DYNC2H1: variants seen among roughly 807,000 people sequenced by gnomAD.
DYNC2H1 encodes cytoplasmic dynein 2 heavy chain 1.
A neutral mutation model predicts 570.0 loss-of-function variants in DYNC2H1; 410 were observed. The ratio of observed to expected loss-of-function variants is 0.72; its 90% confidence interval spans 0.66 to 0.78. The LOEUF (loss-of-function observed/expected upper bound fraction) is 0.78, where lower values mean the gene tolerates loss of function less well. DYNC2H1 is among the 30% of genes least tolerant of loss of function. The probability of loss-of-function intolerance (pLI) is 0.00; values close to 1 mark genes in which losing one functional copy is unlikely to be tolerated. For missense variants in DYNC2H1, 4,865 were observed against 5,046.4 expected, an observed-to-expected ratio of 0.96 and a Z score of 1.09; for synonymous variants, 1,688 against 1,677.6, an observed-to-expected ratio of 1.01 and a Z score of -0.15.
chr11:103,186,457 TA>T lies in DYNC2H1; in HGVS notation c.6852del (p.Lys2284AsnfsTer7). ...YFKPWLSSDT[K>X]QPFILVGPEG... Reference sequence around the variant, plus strand: ...TCAAACCATGGTTAAGTTCTGATACTAAACAGCCCTTTATTCTGGTAGGACC... The same window carrying T: ...TCAAACCATGGTTAAGTTCTGATACTAACAGCCCTTTATTCTGGTAGGACC... On this transcript the variant is annotated frameshift_variant, in exon 42 of 89. Transcript: ENST00000375735. LOFTEE classifies it high-confidence loss of function. This position sits in a 1 kb window ranked among gnomAD's most constrained non-coding sequence, Gnocchi z 4.5. 1 of 1,612,380 alleles carries T rather than the reference TA, an allele frequency of 6.2e-7. No homozygotes were observed. The highest frequency in any genetic ancestry group is 1.7e-5 in the Admixed American group (1 of 59,852).
rs905808650 is a variant in DYNC2H1, at chr11:103,461,563, G to A, written c.12648+5207G>A. The stretch of plus-strand genomic sequence containing the variant: ...ACATTTTACATCTTCCTCCAAGGCT[G>A]AGAGAGGATTGCCCTAGCAACACTT... On this transcript the variant is annotated intron_variant, in intron 87 of 88. Transcript: ENST00000375735. The surrounding 1 kb of genome is among the most constrained non-coding windows in gnomAD (Gnocchi z 4.8). Among the ~76,000 whole-genome samples the A allele has an allele frequency of 6.6e-6, 1 of 152,154 alleles. No homozygotes were observed. The highest frequency in any genetic ancestry group is 2.4e-5 in the African/African-American group (1 of 41,434).
chr11:103,200,135 C>T lies in DYNC2H1; in HGVS notation c.8178C>T (p.Ile2726=), dbSNP rs375795034. 1.4e-5 allele frequency: 22 copies of T among 1,574,180 alleles called. No individual in the cohort carries two copies. In the African/African-American group the frequency reaches 3.0e-4, roughly 21 times the overall value. Residue 2726 remains isoleucine, a synonymous_variant, in exon 50 of 89, where the codon ATC becomes ATT. Transcript: ENST00000375735. ...QFVHPTFLEM[I]NSLLSSGEVP... ...TACATCCTACATTTTTGGAGATGATCAATAGCCTTTTGTCTTCAGGCAAGT... is the reference window on the plus strand; with the variant it reads ...TACATCCTACATTTTTGGAGATGATTAATAGCCTTTTGTCTTCAGGCAAGT...
chr11:103,148,586 A>C lies in DYNC2H1; in HGVS notation c.2915A>C (p.Gln972Pro). Residue 972 changes from glutamine to proline, a missense_variant, in exon 20 of 89, where the codon CAA becomes CCA. Physicochemically the swap from Gln to Pro is moderately conservative, Grantham distance 76. This residue lies in a region of DYNC2H1 where 1,936 missense variants were observed against 1,962.1 expected (regional missense o/e 0.99). Transcript: ENST00000375735. ...GAAGAAATTGGTGATGCAAATCTAC[A>C]ATATAGTAAGTTACAAGAACGGAAG... ...SVEEIGDANLQYSKLQERKPE... is the reference protein window; with the variant it reads ...SVEEIGDANLPYSKLQERKPE... 6.4e-7 allele frequency: 1 copy of C among 1,570,170 alleles called. No individual in the cohort carries two copies. The highest frequency in any genetic ancestry group is 1.2e-5 in the South Asian group (1 of 85,252).
chr11:103,154,339 A>G, intron 22 of DYNC2H1, 112 bp from the exon 23 acceptor site: 1 of 821,714 alleles, frequency 1.2e-6, no homozygotes, highest in Non-Finnish European at 1.8e-6. Context: ...TTAAACATAC[A>G]CAAGTGTGTG....
chr11:103,372,347 G>A (rs1022079043), intron 83 of DYNC2H1, among the ~76,000 whole-genome samples: 4 of 152,062 alleles, frequency 2.6e-5, no homozygotes, highest in Non-Finnish European at 2.9e-5. Context: ...TTAACATTCA[G>A]TATGATGTTA....
At chr11:103,361,117 G>C (rs1940613313) in intron 83 of DYNC2H1, among the ~76,000 whole-genome samples, 1 of 152,140 alleles carries the variant, frequency 6.6e-6, no homozygotes, top group African/African-American at 2.4e-5. Flanking sequence ...ATGAGGTAAG[G>C]GGATGCTATG....
intron 48 of DYNC2H1, among the ~76,000 whole-genome samples, chr11:103,198,874 T>C (rs1400727612): frequency 1.3e-5 from 2 of 152,154 alleles, no homozygotes; most frequent in Non-Finnish European, 2.9e-5. Flanking sequence ...TTTGGGGATT[T>C]TTTTCATGGT....
intron 85 of DYNC2H1, among the ~76,000 whole-genome samples, chr11:103,444,249 T>C (rs1334043680): frequency 6.6e-6 from 1 of 151,938 alleles, no homozygotes; most frequent in Non-Finnish European, 1.5e-5. Context: ...ATAATAATTA[T>C]TCTTTAAATT....
chr11:103,459,691 G>A (rs1456517793), intron 87 of DYNC2H1, among the ~76,000 whole-genome samples: 3 of 152,062 alleles, frequency 2.0e-5, no homozygotes, highest in Middle Eastern at 3.4e-3. Context: ...GGTGGCTCAC[G>A]CCTGTAATCC....
chr11:103,153,270 G>A, intron 21 of DYNC2H1, 33 bp from the exon 22 acceptor site: 2 of 1,486,904 alleles, frequency 1.3e-6, no homozygotes, highest in Middle Eastern at 2.1e-4. Flanking sequence ...ATTTTACTCT[G>A]CATTAAATTA....
chr11:103,158,131 G>A (rs1387243891), intron 26 of DYNC2H1, among the ~76,000 whole-genome samples: 2 of 152,148 alleles, frequency 1.3e-5, no homozygotes, highest in Non-Finnish European at 2.9e-5. Flanking sequence ...TGGACCATTA[G>A]CTCTATGAGG....
chr11:103,243,583 G>T lies in DYNC2H1; in HGVS notation c.9820-110G>T. 9 of 878,248 alleles carry T rather than the reference G, an allele frequency of 1.0e-5. No homozygotes were observed. In the South Asian group the frequency reaches 1.7e-4, roughly 17 times the overall value. 54.4% of individuals were successfully genotyped at this position (878,248 alleles called of 1,614,324 possible). Reference sequence around the variant, plus strand: ...TGTATATTTGTGTTCTCCAAAGCTTGAGAGAAAAGATCATTTAGTAATTGA... The same window carrying T: ...TGTATATTTGTGTTCTCCAAAGCTTTAGAGAAAAGATCATTTAGTAATTGA... On this transcript the variant is annotated intron_variant, in intron 63 of 88. Transcript: ENST00000375735. The surrounding 1 kb of genome is among the most constrained non-coding windows in gnomAD (Gnocchi z 4.8).
intron 85 of DYNC2H1, among the ~76,000 whole-genome samples, chr11:103,438,232 T>A (rs1944132375): frequency 6.6e-6 from 1 of 152,034 alleles, no homozygotes; most frequent in Admixed American, 6.6e-5. Flanking sequence ...TATAAATATA[T>A]ATAGATATCC....
chr11:103,117,991 T>C, intron 6 of DYNC2H1, 128 bp downstream of exon 6: 1 of 741,542 alleles, frequency 1.3e-6, no homozygotes, highest in Non-Finnish European at 2.0e-6. Context: ...AGAATAGGAA[T>C]TAAAGTTCTT....
intron 82 of DYNC2H1, among the ~76,000 whole-genome samples, chr11:103,337,321 GATTTC>G (rs1565506414): frequency 6.6e-6 from 1 of 151,968 alleles, no homozygotes; most frequent in East Asian, 1.9e-4. Flanking sequence ...TGAGACCCCC[GATTTC>G]CTACTCCACA....
intron 87 of DYNC2H1, 190 bp from the exon 88 acceptor site, chr11:103,468,399 T>G: frequency 4.6e-6 from 2 of 431,106 alleles, no homozygotes; most frequent in Non-Finnish European, 8.3e-6. Context: ...GAAATCAGTC[T>G]CAAAGAAGTT....
At chr11:103,184,401 G>A (rs1310435251) in intron 40 of DYNC2H1, among the ~76,000 whole-genome samples, 1 of 151,236 alleles carries the variant, frequency 6.6e-6, no homozygotes, top group Admixed American at 6.6e-5. Flanking sequence ...CCCCAGGGAG[G>A]CTTACAGATC....
Position 103,257,745 on chromosome 11 carries a change from C to CA in DYNC2H1, c.10602dup (p.Gln3535ThrfsTer4). ...GACTTTTCCAACGAGCTCTACAAAA[C>CA]AAACAGGTAAGCTGTTGGATACCCT... On this transcript the variant is annotated frameshift_variant, in exon 69 of 89. Coordinates refer to ENST00000375735, the MANE Select transcript of DYNC2H1 (RefSeq NM_001377.3). LOFTEE classifies it high-confidence loss of function. 6.3e-7 allele frequency: 1 copy of CA among 1,590,788 alleles called. No individual in the cohort carries two copies. The highest frequency in any genetic ancestry group is 8.6e-7 in the Non-Finnish European group (1 of 1,167,894).
intron 1 of DYNC2H1, among the ~76,000 whole-genome samples, chr11:103,112,930 T>C (rs1260460913): frequency 2.0e-5 from 3 of 152,246 alleles, no homozygotes; most frequent in African/African-American, 7.2e-5. Flanking sequence ...GGTTCCGATT[T>C]AAAATAATCT....
Sources: gnomAD v4.1 joint callset for allele counts (sites outside exome capture counted in the v4.1 genomes callset) on GRCh38, gnomAD v4.1.1 for gene constraint, gnomAD v4.1.1 regional missense constraint, Gnocchi (gnomAD v3.1) non-coding constraint, MANE v1.5 for transcripts, NCBI Gene and HGNC (gene_info 2026-07-23, HGNC 2026-07-21) for gene names.